The following C10orf90 variants were observed in gnomAD, a reference collection of about 807,000 sequenced individuals.
C10orf90 encodes the protein chromosome 10 open reading frame 90.
A neutral mutation model predicts 62.5 loss-of-function variants in C10orf90; 56 were observed. The observed-to-expected ratio is 0.90, with a 90% CI of 0.72 to 1.12. C10orf90 has a LOEUF of 1.12. C10orf90 is among the 50% of genes most tolerant of loss of function. The pLI, the probability that C10orf90 is intolerant of heterozygous loss-of-function variation, is 0.00. For missense variants in C10orf90, 970 were observed against 880.4 expected, an observed-to-expected ratio of 1.10 and a Z score of -1.29; for synonymous variants, 386 against 340.4, an observed-to-expected ratio of 1.13 and a Z score of -1.47.
intron 5 of C10orf90, among the ~76,000 whole-genome samples, chr10:126,461,969 A>C (rs977691212): frequency 2.6e-5 from 4 of 152,078 alleles, no homozygotes; most frequent in African/African-American, 9.7e-5. Context: ...CACTTACTAC[A>C]CTGATGATAT....
rs75243566 is a variant in C10orf90 at position 126,476,447 on chromosome 10, A to G, written c.1535-11461T>C. On this transcript the variant is annotated intron_variant, in intron 4 of 9. Coordinates refer to ENST00000488181, the MANE Select transcript of C10orf90 (RefSeq NM_001350921.2). ...CCACATGAAAATAGTCACTAAGAAT[A>G]AATCAAGCCACCAAAGGAGCCCGCG... Among the ~76,000 whole-genome samples the G allele has an allele frequency of 5.8e-3, 876 of 152,314 alleles. 13 individuals are homozygous for G. Among genetic ancestry groups the G allele is most frequent in the South Asian group, 0.021 (99 of 4,820 alleles).
intron 4 of C10orf90, among the ~76,000 whole-genome samples, chr10:126,467,771 C>G (rs1440031282): frequency 2.0e-5 from 3 of 152,178 alleles, no homozygotes; most frequent in Non-Finnish European, 4.4e-5. Flanking sequence ...AAAAAACCAA[C>G]CAAAATATTC....
chr10:126,526,241 T>C (rs1032293678), intron 2 of C10orf90, among the ~76,000 whole-genome samples: 2 of 151,600 alleles, frequency 1.3e-5, no homozygotes, highest in Non-Finnish European at 2.9e-5. Flanking sequence ...CTCTCTGCAA[T>C]TGACTTTTTT....
chr10:126,510,843 G>A (rs1863064828), intron 3 of C10orf90, among the ~76,000 whole-genome samples: 1 of 152,242 alleles, frequency 6.6e-6, no homozygotes, highest in Admixed American at 6.5e-5. Flanking sequence ...AAGCCAGAAA[G>A]AGTCAAGTAG....
At chr10:126,634,282 A>G (rs1845906817) in intron 2 of C10orf90, among the ~76,000 whole-genome samples, 1 of 152,214 alleles carries the variant, frequency 6.6e-6, no homozygotes, top group South Asian at 2.1e-4. Context: ...ACAAAACAAT[A>G]CTATTCAGTT....
intron 7 of C10orf90, among the ~76,000 whole-genome samples, chr10:126,450,160 A>C (rs955379876): frequency 6.6e-6 from 1 of 152,188 alleles, no homozygotes; most frequent in African/African-American, 2.4e-5. Context: ...GCTATAGAAC[A>C]CTGATGAAAG....
chr10:126,521,349 C>T, intron 2 of C10orf90: 2 of 1,613,968 alleles, frequency 1.2e-6, no homozygotes, highest in Non-Finnish European at 1.7e-6. Context: ...AGCCATTTTA[C>T]TCAGTTTCAA....
At chr10:126,565,007 ATATATAATATATATTATATAT>A (rs1257401705) in intron 2 of C10orf90, among the ~76,000 whole-genome samples, 15 of 13,518 alleles carry the variant, frequency 1.1e-3, no homozygotes, top group African/African-American at 2.9e-3. Flanking sequence ...TATATATAAT[ATATATAATATATATTATATAT>A]TATATAAAAT....
At chr10:126,517,704 G>C (rs1372259629) in intron 2 of C10orf90, among the ~76,000 whole-genome samples, 1 of 152,156 alleles carries the variant, frequency 6.6e-6, no homozygotes, top group Non-Finnish European at 1.5e-5. Flanking sequence ...GAGGTCAAGA[G>C]ATCGAGACCA....
chr10:126,508,772 G>A (rs147835645), intron 3 of C10orf90, among the ~76,000 whole-genome samples: 92 of 152,272 alleles, frequency 6.0e-4, no homozygotes, highest in South Asian at 2.1e-4. Flanking sequence ...GGTGGTTCTC[G>A]GGCGGGGGCC....
chr10:126,597,177 T>C (rs1017154559), intron 2 of C10orf90, among the ~76,000 whole-genome samples: 1 of 152,354 alleles, frequency 6.6e-6, no homozygotes, highest in Middle Eastern at 3.4e-3. Flanking sequence ...TGTTTACATG[T>C]AACCCAGCAA....
chr10:126,570,616 T>C (rs933371525), intron 2 of C10orf90, among the ~76,000 whole-genome samples: 8 of 152,162 alleles, frequency 5.3e-5, no homozygotes, highest in African/African-American at 1.9e-4. Context: ...AAAGGGTTTT[T>C]TGAGCCATTG....
chr10:126,641,420 T>C (rs1361251185), intron 2 of C10orf90, among the ~76,000 whole-genome samples: 1 of 151,970 alleles, frequency 6.6e-6, no homozygotes, highest in Non-Finnish European at 1.5e-5. Context: ...AAACTGAAGG[T>C]TGTAAAGGTC....
intron 4 of C10orf90, among the ~76,000 whole-genome samples, chr10:126,483,641 A>T (rs1208031441): frequency 6.6e-6 from 1 of 152,234 alleles, no homozygotes; most frequent in Non-Finnish European, 1.5e-5. Context: ...CTTAAAAAGG[A>T]GGACTGCGTC....
intron 2 of C10orf90, among the ~76,000 whole-genome samples, chr10:126,599,692 G>A (rs1480287410): frequency 6.6e-6 from 1 of 152,042 alleles, no homozygotes; most frequent in Non-Finnish European, 1.5e-5. Flanking sequence ...TAGAAACCTG[G>A]TAATAGGGGA....
intron 2 of C10orf90, among the ~76,000 whole-genome samples, chr10:126,545,116 G>T (rs116502542): frequency 1.3e-5 from 2 of 152,178 alleles, no homozygotes; most frequent in East Asian, 3.9e-4. Flanking sequence ...ATGCACCCCC[G>T]CTTCCCATGC....
Position 126,509,081 on chromosome 10 carries a change from C to T in C10orf90, c.406-3996G>A, listed in dbSNP as rs151242132. On this transcript the variant is annotated intron_variant, in intron 3 of 9. Transcript: ENST00000488181. ...CAGAAGGACCTAGAGGCCCAGAGGA[C>T]GGGATAAGGAATTAGCCACCATTTC... Among the ~76,000 whole-genome samples, 15 of 152,212 alleles carry T rather than the reference C, an allele frequency of 9.9e-5. No individual in the cohort carries two copies. The East Asian group carries it at 1.7e-3, about 18-fold the overall frequency.
chr10:126,521,246 ATTACT>A (rs1337654354), intron 2 of C10orf90: 2 of 1,587,998 alleles, frequency 1.3e-6, no homozygotes, highest in African/African-American at 1.3e-5. Flanking sequence ...GAATGAACAG[ATTACT>A]TTATATTTTA....
In C10orf90 at chr10:126,461,542, A is replaced by G; in HGVS notation, c.1869T>C (p.Cys623=). ...GTGTGGTGGGGTCCTCACTCTTCTTACATTCCTTTATTTTTACAACCAAGT... is the reference window on the plus strand; with the variant it reads ...GTGTGGTGGGGTCCTCACTCTTCTTGCATTCCTTTATTTTTACAACCAAGT... ...CCDLVVKIKE[C]KKSEDPTTPE... The change falls in exon 6 of 10, where the codon TGT becomes TGC. Residue 623 remains cysteine, a synonymous_variant. Transcript: ENST00000488181. The G allele has an allele frequency of 6.2e-7, 1 of 1,613,906 alleles. No homozygotes were observed.
Sources: gnomAD v4.1 joint callset for allele counts (sites outside exome capture counted in the v4.1 genomes callset) on GRCh38, gnomAD v4.1.1 for gene constraint, MANE v1.5 for transcripts, NCBI Gene and HGNC (gene_info 2026-07-23, HGNC 2026-07-21) for gene names.